KIAA1755: variants seen among roughly 807,000 people sequenced by gnomAD.
KIAA1755 encodes uncharacterized protein KIAA1755.
KIAA1755 carries 68 observed loss-of-function variants against 91.7 expected under a neutral mutation model. The observed-to-expected ratio is 0.74, with a 90% CI of 0.61 to 0.91. The LOEUF (loss-of-function observed/expected upper bound fraction) is 0.91. Ranked by LOEUF, KIAA1755 falls within the 40% of genes least tolerant of loss-of-function variation. The probability of loss-of-function intolerance (pLI) is 0.00; values close to 1 mark genes in which losing one functional copy is unlikely to be tolerated. For synonymous variants in KIAA1755, 610 were observed against 604.6 expected, an observed-to-expected ratio of 1.01 and a Z score of -0.13; for missense variants, 1,535 against 1,494.4, an observed-to-expected ratio of 1.03 and a Z score of -0.45.
intron 7 of KIAA1755, among the ~76,000 whole-genome samples, chr20:38,226,566 G>A (rs2075760799): frequency 6.6e-6 from 1 of 152,204 alleles, no homozygotes. Context: ...CACTAACCAG[G>A]AGGAAGGAGA....
Position 38,260,679 on chromosome 20 carries a change from G to A in KIAA1755, c.-179C>T, listed in dbSNP as rs2076433626. The A allele has an allele frequency of 6.6e-6, 4 of 603,164 alleles. No homozygotes were observed. The highest frequency in any genetic ancestry group is 1.9e-5 in the African/African-American group (1 of 52,156). 37.4% of individuals were successfully genotyped at this position (603,164 alleles called of 1,614,324 possible). ...TCGGAGGAGCGGCCGGGGAGGACAG[G>A]GAGAGAGACTGAGAGAGAGACAGAG... On this transcript the variant is annotated 5_prime_UTR_variant, in exon 1 of 14. Coordinates refer to ENST00000279024, the MANE Select transcript of KIAA1755 (RefSeq NM_001029864.2).
At chr20:38,230,347 A>G (rs983691834) in intron 5 of KIAA1755, among the ~76,000 whole-genome samples, 1 of 152,200 alleles carries the variant, frequency 6.6e-6, no homozygotes, top group Non-Finnish European at 1.5e-5. Flanking sequence ...ATGACAGCTC[A>G]ATTATCACCT....
In KIAA1755 at chr20:38,260,642, C is replaced by G. The variant is rs2076433155; in HGVS notation, c.-142G>C. On this transcript the variant is annotated 5_prime_UTR_variant, in exon 1 of 14. Transcript: ENST00000279024. Reference sequence around the variant, plus strand: ...GATAGGGCAGGCCCGGGGCACCGACCCCGGCGTCATCTCGGAGGAGCGGCC... The same window carrying G: ...GATAGGGCAGGCCCGGGGCACCGACGCCGGCGTCATCTCGGAGGAGCGGCC... 1 of 1,013,820 alleles carries G rather than the reference C, an allele frequency of 9.9e-7. No homozygotes were observed. Among genetic ancestry groups the G allele is most frequent in the East Asian group, 3.1e-5 (1 of 32,524 alleles). 62.8% of individuals were successfully genotyped at this position (1,013,820 alleles called of 1,614,324 possible).
At chr20:38,230,035 C>T (rs546269689) in intron 5 of KIAA1755, among the ~76,000 whole-genome samples, 49 of 152,352 alleles carry the variant, frequency 3.2e-4, no homozygotes, top group African/African-American at 1.1e-3. Flanking sequence ...TTACCCCCAA[C>T]AGCAGACCTC....
chr20:38,229,601 G>C (rs774642315), intron 5 of KIAA1755, among the ~76,000 whole-genome samples: 15 of 152,216 alleles, frequency 9.9e-5, no homozygotes, highest in Non-Finnish European at 1.9e-4. Context: ...GCCAAGCCCA[G>C]AGCAGGGGCC....
chr20:38,222,674 A>G, intron 9 of KIAA1755, 77 bp from the exon 10 acceptor site: 3 of 1,480,398 alleles, frequency 2.0e-6, no homozygotes, highest in Non-Finnish European at 2.8e-6. Context: ...CCACACCCAG[A>G]TCAAGTCCAA....
chr20:38,254,050 A>AT, intron 1 of KIAA1755, among the ~76,000 whole-genome samples: 1 of 152,016 alleles, frequency 6.6e-6, no homozygotes, highest in African/African-American at 2.4e-5. Flanking sequence ...CGCCCAGCTA[A>AT]TTTTTTGTAT....
rs1568737799 is a variant in KIAA1755 at position 38,222,516 on chromosome 20, C to G, written c.2350G>C (p.Glu784Gln). The G allele has an allele frequency of 6.2e-7, 1 of 1,613,794 alleles. No individual in the cohort carries two copies. Residue 784 changes from glutamate to glutamine, a missense_variant, in exon 10 of 14, where the codon GAA becomes CAA. Glu to Gln is a conservative substitution (Grantham distance 29, BLOSUM62 2). Transcript: ENST00000279024. ...RDPGLLGLQR[E>Q]GGATLARLQH... is the part of the protein sequence containing the mutation. ...AGCCTGGCCAGGGTGGCTCCACCTTCCCGCTGGAGGCCCAGTAGGCCGGGG... is the reference window on the plus strand; with the variant it reads ...AGCCTGGCCAGGGTGGCTCCACCTTGCCGCTGGAGGCCCAGTAGGCCGGGG...
intron 4 of KIAA1755, among the ~76,000 whole-genome samples, chr20:38,238,768 C>G (rs1195763172): frequency 6.6e-6 from 1 of 152,218 alleles, no homozygotes. Context: ...CAGTAAATGT[C>G]TGTTACAACA....
intron 1 of KIAA1755, among the ~76,000 whole-genome samples, chr20:38,250,926 A>G (rs551413097): frequency 6.6e-6 from 1 of 152,274 alleles, no homozygotes; most frequent in African/African-American, 2.4e-5. Flanking sequence ...TGGCAATATT[A>G]TAACTGTTAT....
intron 9 of KIAA1755, chr20:38,223,214 C>T (rs748708738): frequency 4.8e-6 from 1 of 209,326 alleles, no homozygotes; most frequent in Non-Finnish European, 9.5e-6. Context: ...GGCCCTCCTC[C>T]CTCCCTCATT....
intron 1 of KIAA1755, among the ~76,000 whole-genome samples, chr20:38,250,835 G>T (rs2076238773): frequency 6.6e-6 from 1 of 151,960 alleles, no homozygotes. Flanking sequence ...GGGGATATGT[G>T]GGGGCGGCCA....
rs769994322 is a variant in KIAA1755 at position 38,217,468 on chromosome 20, A to C, written c.2686T>G (p.Tyr896Asp). 1 of 1,603,340 alleles carries C rather than the reference A, an allele frequency of 6.2e-7. No individual in the cohort carries two copies. Among genetic ancestry groups the C allele is most frequent in the East Asian group, 2.3e-5 (1 of 44,316 alleles). Residue 896 changes from tyrosine to aspartate, a missense_variant, in exon 13 of 14, where the codon TAC (tyrosine) becomes GAC (aspartate). Tyr to Asp is a radical substitution (Grantham distance 160). Coordinates refer to ENST00000279024, the MANE Select transcript of KIAA1755 (RefSeq NM_001029864.2). ...ENFFLQAAAQ[Y>D]RRGLELSKQA... Reference sequence around the variant, plus strand: ...TTGGACAGCTCCAGGCCTCGGCGGTACTGGGCCTGAGAGGGGAGAGGAGGG... The same window carrying C: ...TTGGACAGCTCCAGGCCTCGGCGGTCCTGGGCCTGAGAGGGGAGAGGAGGG...
At chr20:38,253,773 G>A (rs2123332952) in intron 1 of KIAA1755, among the ~76,000 whole-genome samples, 1 of 152,178 alleles carries the variant, frequency 6.6e-6, no homozygotes, top group African/African-American at 2.4e-5. Context: ...TTTATAATTA[G>A]GAGGGGAAAA....
At chr20:38,242,077 T>A in intron 2 of KIAA1755, 148 bp from the exon 3 acceptor site, 1 of 804,854 alleles carries the variant, frequency 1.2e-6, no homozygotes, top group East Asian at 2.7e-5. Flanking sequence ...GTCAAGGTTG[T>A]GCAAAGGTTG....
At chr20:38,218,653 T>C (rs2075598248) in intron 11 of KIAA1755, among the ~76,000 whole-genome samples, 1 of 152,222 alleles carries the variant, frequency 6.6e-6, no homozygotes, top group Admixed American at 6.5e-5. Flanking sequence ...GGTGGTGAAC[T>C]TCAGGCTACT....
chr20:38,214,397 C>T (rs1213265078), intron 13 of KIAA1755, among the ~76,000 whole-genome samples: 2 of 152,176 alleles, frequency 1.3e-5, no homozygotes, highest in Non-Finnish European at 2.9e-5. Flanking sequence ...GTTGTATTAA[C>T]CCTTGAGAGT....
intron 1 of KIAA1755, among the ~76,000 whole-genome samples, 164 bp from the exon 2 acceptor site, chr20:38,246,290 T>C (rs2076159914): frequency 6.6e-6 from 1 of 152,192 alleles, no homozygotes; most frequent in African/African-American, 2.4e-5. Context: ...ACTGGCCTTC[T>C]TTCCTGTCCC....
At chr20:38,238,631 A>C (rs1208887891) in intron 4 of KIAA1755, among the ~76,000 whole-genome samples, 1 of 152,156 alleles carries the variant, frequency 6.6e-6, no homozygotes, top group African/African-American at 2.4e-5. Context: ...CTTTGTTTAC[A>C]CTGGGTTTCA....
Sources: allele counts gnomAD v4.1 joint callset (sites outside exome capture counted in the v4.1 genomes callset), GRCh38; gene constraint gnomAD v4.1.1; transcripts MANE v1.5; gene names NCBI Gene and HGNC (gene_info 2026-07-23, HGNC 2026-07-21).